Variants in CMBL observed in about 807,000 individuals in gnomAD.
CMBL encodes the protein carboxymethylenebutenolidase homolog (Pseudomonas).
A neutral mutation model predicts 28.7 loss-of-function variants in CMBL; 17 were observed. That is an observed-to-expected ratio of 0.59 (90% CI 0.41 to 0.89). The LOEUF is 0.89. CMBL is among the 40% of genes least tolerant of loss of function. The pLI, the probability that CMBL is intolerant of heterozygous loss-of-function variation, is 0.00. For synonymous variants in CMBL, 106 were observed against 101.6 expected (o/e 1.04, Z -0.26); for missense variants, 310 against 298.5 (o/e 1.04, Z -0.28).
At chr5:10,285,134 G>A (rs964074278) in intron 4 of CMBL, among the ~76,000 whole-genome samples, 1 of 151,702 alleles carries the variant, frequency 6.6e-6, no homozygotes, top group African/African-American at 2.4e-5. Flanking sequence ...CTCCTGAGAG[G>A]CTGGGACCAC....
rs1321519947 is a variant in CMBL at position 10,278,582 on chromosome 5, T to G, written c.*1871A>C. ...GCTCATAGCTCCCTCTCTCTCTCGT[T>G]CTCCACCTTCTGGTTGAGCCCATGT... is the stretch of plus-strand genomic sequence containing the variant. On this transcript the variant is annotated 3_prime_UTR_variant, in exon 6 of 6. Transcript: ENST00000296658. 6.6e-6 allele frequency among the ~76,000 whole-genome samples: 1 copy of G among 152,046 alleles called. No homozygotes were observed. The highest frequency in any genetic ancestry group is 2.4e-5 in the African/African-American group (1 of 41,398).
intron 2 of CMBL, among the ~76,000 whole-genome samples, chr5:10,290,086 C>T (rs1217795545): frequency 6.6e-6 from 1 of 152,188 alleles, no homozygotes; most frequent in Non-Finnish European, 1.5e-5. Flanking sequence ...CACTTCTGAA[C>T]CCCAGTCTAA....
At chr5:10,281,511 C>T (rs1222783263) in intron 5 of CMBL, among the ~76,000 whole-genome samples, 5 of 152,220 alleles carry the variant, frequency 3.3e-5, no homozygotes, top group African/African-American at 1.2e-4. Flanking sequence ...AGCCACCACG[C>T]CCAGCTAAAT....
At position 10,279,028 on chromosome 5, in the gene CMBL, G is replaced by GA. The variant is rs1359092308; in HGVS notation, c.*1424dup. Reference sequence around the variant, plus strand: ...GAGAAGGACGTCAAGACAAAATTAGGAAAAAAACTACAACATCAAGTCACT... The same window carrying GA: ...GAGAAGGACGTCAAGACAAAATTAGGAAAAAAAACTACAACATCAAGTCACT... On this transcript the variant is annotated 3_prime_UTR_variant, in exon 6 of 6. Coordinates refer to ENST00000296658, the MANE Select transcript of CMBL (RefSeq NM_138809.4). Among the ~76,000 whole-genome samples, 3 of 152,232 alleles carry GA rather than the reference G, an allele frequency of 2.0e-5. No individual in the cohort carries two copies. Among genetic ancestry groups the GA allele is most frequent in the East Asian group, 3.9e-4 (2 of 5,182 alleles).
Position 10,288,465 on chromosome 5 carries a change from A to G in CMBL, c.280T>C (p.Phe94Leu), listed in dbSNP as rs1746646734. ...TTTCTTGTTTTCAGCCACTCAGGGA[A>G]GATAGACCAGTCGCCAGAGGGGTCC... ...PWDPSGDWSI[F>L]PEWLKTRNAQ... Residue 94 changes from phenylalanine (F) to leucine (L), a missense_variant, in exon 3 of 6, where the codon TTC (phenylalanine) becomes CTC (leucine). Coordinates refer to ENST00000296658, the MANE Select transcript of CMBL (RefSeq NM_138809.4). The G allele has an allele frequency of 6.2e-7, 1 of 1,614,018 alleles. No individual in the cohort carries two copies. The highest frequency in any genetic ancestry group is 1.3e-5 in the African/African-American group (1 of 74,932).
At chr5:10,283,029 G>A (rs763026303) in intron 4 of CMBL, among the ~76,000 whole-genome samples, 21 of 149,654 alleles carry the variant, frequency 1.4e-4, no homozygotes, top group Admixed American at 2.0e-4. Flanking sequence ...GGTGGAGGTT[G>A]CAGTGAGCCA....
chr5:10,292,781 G>A (rs890940010), intron 1 of CMBL, among the ~76,000 whole-genome samples: 3 of 139,238 alleles, frequency 2.2e-5, no homozygotes, highest in Non-Finnish European at 3.0e-5. Flanking sequence ...CCGAGATTGC[G>A]CCATTGCACT....
At chr5:10,291,444 C>A (rs942399000) in intron 1 of CMBL, among the ~76,000 whole-genome samples, 14 of 152,012 alleles carry the variant, frequency 9.2e-5, no homozygotes, top group Non-Finnish European at 2.1e-4. Context: ...GGGCGGATCA[C>A]GAGGTCAGGA....
chr5:10,301,108 T>C (rs979122972), intron 1 of CMBL, among the ~76,000 whole-genome samples: 1 of 151,872 alleles, frequency 6.6e-6, no homozygotes. Context: ...AAAATGGAGA[T>C]CGTGGGCTTT....
intron 3 of CMBL, 146 bp downstream of exon 3, chr5:10,288,276 T>C (rs1384719245): frequency 1.3e-5 from 8 of 628,560 alleles, no homozygotes. Context: ...AAAAAATTTT[T>C]TCTCCTTTGT....
At chr5:10,296,913 G>C (rs904279906) in intron 1 of CMBL, among the ~76,000 whole-genome samples, 1 of 152,172 alleles carries the variant, frequency 6.6e-6, no homozygotes, top group Non-Finnish European at 1.5e-5. Context: ...GACTGGGCGC[G>C]GTGGCTCACG....
intron 4 of CMBL, among the ~76,000 whole-genome samples, chr5:10,284,140 C>T (rs1706215731): frequency 6.6e-6 from 1 of 152,202 alleles, no homozygotes; most frequent in South Asian, 2.1e-4. Flanking sequence ...TGAGCCCGGC[C>T]ACGCTCTGCA....
chr5:10,291,254 G>A (rs1417958277), intron 1 of CMBL, among the ~76,000 whole-genome samples: 1 of 152,202 alleles, frequency 6.6e-6, no homozygotes. Flanking sequence ...GAGCCCCAAA[G>A]GTTCATGTCT....
At chr5:10,297,569 C>CAAA (rs551779818) in intron 1 of CMBL, among the ~76,000 whole-genome samples, 8 of 65,438 alleles carry the variant, frequency 1.2e-4, no homozygotes, top group Admixed American at 3.6e-4. Context: ...AACTCTATCT[C>CAAA]AAAAAAAAAA....
intron 5 of CMBL, among the ~76,000 whole-genome samples, chr5:10,281,516 C>G (rs1318423640): frequency 6.6e-6 from 1 of 152,232 alleles, no homozygotes; most frequent in Admixed American, 6.5e-5. Context: ...CCACGCCCAG[C>G]TAAATGACTG....
chr5:10,305,952 A>G (rs1746994380), intron 1 of CMBL, among the ~76,000 whole-genome samples: 1 of 152,148 alleles, frequency 6.6e-6, no homozygotes. Context: ...TTTACTCCGT[A>G]TACATTTGCA....
chr5:10,300,740 C>T (rs1746885263), intron 1 of CMBL, among the ~76,000 whole-genome samples: 1 of 151,906 alleles, frequency 6.6e-6, no homozygotes, highest in East Asian at 1.9e-4. Flanking sequence ...TTCAAGGCTG[C>T]AGTAAGCTAT....
In CMBL at chr5:10,288,469, A is replaced by G. The variant is rs1344005160; in HGVS notation, c.276T>C (p.Ser92=). 6.2e-7 allele frequency: 1 copy of G among 1,614,040 alleles called. No individual in the cohort carries two copies. The highest frequency in any genetic ancestry group is 8.5e-7 in the Non-Finnish European group (1 of 1,180,000). ...QEPWDPSGDW[S]IFPEWLKTRN... is the part of the protein sequence containing the mutation. ...TTGTTTTCAGCCACTCAGGGAAGAT[A>G]GACCAGTCGCCAGAGGGGTCCCAAG... The change falls in exon 3 of 6, where the codon TCT becomes TCC. Residue 92 remains serine (S), a synonymous_variant. Coordinates refer to ENST00000296658, the MANE Select transcript of CMBL (RefSeq NM_138809.4).
At chr5:10,301,688 G>A (rs189514154) in intron 1 of CMBL, among the ~76,000 whole-genome samples, 1 of 143,240 alleles carries the variant, frequency 7.0e-6, no homozygotes, top group African/African-American at 2.6e-5. Context: ...TGCAAACTCC[G>A]CCTCCCAGGT....
Sources: gnomAD v4.1 joint callset for allele counts (sites outside exome capture counted in the v4.1 genomes callset) on GRCh38, gnomAD v4.1.1 for gene constraint, MANE v1.5 for transcripts, NCBI Gene and HGNC (gene_info 2026-07-23, HGNC 2026-07-21) for gene names.